FAT4: variants seen among roughly 807,000 people sequenced by gnomAD.
FAT4 encodes protocadherin Fat 4.
FAT4 carries 84 observed loss-of-function variants against 303.9 expected under a neutral mutation model. The observed-to-expected ratio is 0.28, with a 90% CI of 0.23 to 0.33. The LOEUF is 0.33. Ranked by LOEUF, FAT4 falls within the 10% of genes least tolerant of loss-of-function variation. FAT4 has a pLI of 1.00. For missense variants in FAT4, 6,005 were observed against 6,146.8 expected (o/e 0.98, Z 0.77); for synonymous variants, 2,307 against 2,298.8 (o/e 1.00, Z -0.10).
chr4:125,385,003 T>C (rs532844584), intron 2 of FAT4, among the ~76,000 whole-genome samples: 7,168 of 111,054 alleles, frequency 0.065, 230 homozygotes, highest in East Asian at 0.18. Context: ...TATATATACA[T>C]ATATATATAT....
chr4:125,401,441 C>G (rs1206613557), intron 3 of FAT4, among the ~76,000 whole-genome samples: 1 of 151,902 alleles, frequency 6.6e-6, no homozygotes, highest in Non-Finnish European at 1.5e-5. Context: ...AATCCTGGCT[C>G]TGTTTTCTTT....
intron 8 of FAT4, 120 bp from the exon 9 acceptor site, chr4:125,446,173 G>A (rs1725819859): frequency 1.2e-6 from 1 of 815,148 alleles, no homozygotes; most frequent in South Asian, 1.9e-5. Context: ...TTCCAACATT[G>A]TTGTATGATC....
At chr4:125,462,961 C>T (rs1012885999) in intron 10 of FAT4, among the ~76,000 whole-genome samples, 1 of 151,902 alleles carries the variant, frequency 6.6e-6, no homozygotes, top group Non-Finnish European at 1.5e-5. Context: ...GAAAAATATG[C>T]TGTTTAGGTA....
chr4:125,416,694 C>T, intron 7 of FAT4, 72 bp downstream of exon 7: 1 of 1,515,400 alleles, frequency 6.6e-7, no homozygotes, highest in East Asian at 2.3e-5. Flanking sequence ...GCCTGTAACC[C>T]CAGCACTTTG....
At position 125,448,561 on chromosome 4, in the gene FAT4, T is replaced by G; in HGVS notation, c.7551T>G (p.Ile2517Met). The change falls in exon 10 of 18, where the codon ATT becomes ATG. Residue 2517 changes from isoleucine to methionine, a missense_variant. Coordinates refer to ENST00000394329, the MANE Select transcript of FAT4 (RefSeq NM_001291303.3). ...LSGRNSEKFH[I>M]DPLRGAIMAA... is the part of the protein sequence containing the mutation. ...GTAGAAATTCTGAAAAATTTCACAT[T>G]GACCCACTGAGGGGAGCCATTATGG... is the stretch of plus-strand genomic sequence containing the variant. The G allele has an allele frequency of 6.2e-7, 1 of 1,613,962 alleles. No homozygotes were observed. Among genetic ancestry groups the G allele is most frequent in the Non-Finnish European group, 8.5e-7 (1 of 1,179,888 alleles).
chr4:125,332,281 C>G (rs1192405667), intron 2 of FAT4, among the ~76,000 whole-genome samples: 1 of 149,898 alleles, frequency 6.7e-6, no homozygotes, highest in Non-Finnish European at 1.5e-5. Context: ...GGTCACAAAT[C>G]TAGACTAGCA....
Position 125,491,372 on chromosome 4 carries a change from C to T in FAT4, c.14556C>T (p.Cys4852=), listed in dbSNP as rs1182672715. 1.9e-6 allele frequency: 3 copies of T among 1,614,088 alleles called. No homozygotes were observed. Among genetic ancestry groups the T allele is most frequent in the Admixed American group, 3.3e-5 (2 of 60,010 alleles). The change falls in exon 18 of 18, where the codon TGC becomes TGT. Residue 4852 remains cysteine, a synonymous_variant. Transcript: ENST00000394329. Reference sequence around the variant, plus strand: ...GTGACTCCCATGAATCTTTCACTTGCTCAGAAATGGAATATGACAGGGAGA... The same window carrying T: ...GTGACTCCCATGAATCTTTCACTTGTTCAGAAATGGAATATGACAGGGAGA... ...SDSDSHESFT[C]SEMEYDREKP... is the part of the protein sequence containing the mutation.
intron 2 of FAT4, chr4:125,393,853 T>C (rs1734065701): frequency 1.4e-6 from 1 of 698,896 alleles, no homozygotes. Flanking sequence ...TGTCTCTAAA[T>C]AAAATTATTT....
At chr4:125,479,211 T>C (rs1024349746) in intron 14 of FAT4, among the ~76,000 whole-genome samples, 2 of 152,184 alleles carry the variant, frequency 1.3e-5, no homozygotes, top group East Asian at 1.9e-4. Flanking sequence ...AAACTCACTA[T>C]ACCCTTTCTC....
chr4:125,475,942 C>T (rs767561849), intron 12 of FAT4, among the ~76,000 whole-genome samples: 9 of 151,898 alleles, frequency 5.9e-5, no homozygotes, highest in Non-Finnish European at 1.3e-4. Flanking sequence ...TTTAAAGGTA[C>T]CCTTTTACCT....
intron 8 of FAT4, among the ~76,000 whole-genome samples, chr4:125,439,113 G>T (rs1725557148): frequency 6.6e-6 from 1 of 151,926 alleles, no homozygotes; most frequent in Admixed American, 6.6e-5. Flanking sequence ...TTCCCTTATA[G>T]AAAATCAGAC....
intron 3 of FAT4, among the ~76,000 whole-genome samples, chr4:125,403,409 A>G (rs1301111332): frequency 6.6e-6 from 1 of 152,010 alleles, no homozygotes; most frequent in Admixed American, 6.6e-5. Context: ...ATACAGAATT[A>G]AGAAATATCT....
intron 2 of FAT4, among the ~76,000 whole-genome samples, chr4:125,382,287 A>T (rs572973671): frequency 6.6e-6 from 1 of 152,252 alleles, no homozygotes; most frequent in South Asian, 2.1e-4. Flanking sequence ...GCCTTACAAG[A>T]TGTATTTCTT....
intron 2 of FAT4, among the ~76,000 whole-genome samples, chr4:125,350,844 T>A (rs143276513): frequency 5.3e-4 from 80 of 151,906 alleles, no homozygotes; most frequent in Non-Finnish European, 1.0e-3. Flanking sequence ...TCTGAGTATC[T>A]ATTCATCTTC....
intron 2 of FAT4, among the ~76,000 whole-genome samples, chr4:125,339,912 A>G (rs1553715): frequency 0.15 from 23,452 of 152,156 alleles, 3,043 homozygotes; most frequent in African/African-American, 0.34. Flanking sequence ...ATAATTGTAT[A>G]GTTAATTGTA....
intron 2 of FAT4, among the ~76,000 whole-genome samples, chr4:125,330,658 G>A (rs1008356665): frequency 2.6e-5 from 4 of 152,144 alleles, no homozygotes; most frequent in Admixed American, 1.3e-4. Context: ...AACATTACTT[G>A]GAACAAACAT....
intron 5 of FAT4, among the ~76,000 whole-genome samples, chr4:125,410,727 A>G (rs1254444644): frequency 6.6e-6 from 1 of 152,150 alleles, no homozygotes; most frequent in Non-Finnish European, 1.5e-5. Flanking sequence ...AAAATTAAAA[A>G]GAAAAAGAAA....
At chr4:125,335,046 A>G (rs1351362986) in intron 2 of FAT4, among the ~76,000 whole-genome samples, 1 of 152,196 alleles carries the variant, frequency 6.6e-6, no homozygotes, top group Non-Finnish European at 1.5e-5. Context: ...TTAGAACACC[A>G]GTTGACCCTG....
intron 14 of FAT4, among the ~76,000 whole-genome samples, chr4:125,478,405 T>C (rs987586802): frequency 2.0e-5 from 3 of 152,214 alleles, no homozygotes; most frequent in African/African-American, 7.2e-5. Flanking sequence ...TATCAATTTT[T>C]TTTTTCATTT....
Sources: gnomAD v4.1 joint callset for allele counts (sites outside exome capture counted in the v4.1 genomes callset) on GRCh38, gnomAD v4.1.1 for gene constraint, MANE v1.5 for transcripts, NCBI Gene and HGNC (gene_info 2026-07-23, HGNC 2026-07-21) for gene names.